The following CD2AP variants were observed in gnomAD, a reference collection of about 807,000 sequenced individuals.
CD2AP encodes CD2-associated protein.
In CD2AP, 46 loss-of-function variants were observed where a neutral mutation model predicts 85.1. The ratio of observed to expected loss-of-function variants is 0.54; its 90% CI spans 0.43 to 0.69. The LOEUF is 0.69. Among genes scored for constraint, CD2AP ranks in the 30% least tolerant of loss-of-function variants. The pLI is 0.00. For missense variants in CD2AP, 769 were observed against 729.5 expected, an observed-to-expected ratio of 1.05 and a Z score of -0.62; for synonymous variants, 255 against 252.9, an observed-to-expected ratio of 1.01 and a Z score of -0.08.
intron 2 of CD2AP, among the ~76,000 whole-genome samples, chr6:47,525,574 A>T (rs1365348804): frequency 6.6e-6 from 1 of 152,184 alleles, no homozygotes; most frequent in Non-Finnish European, 1.5e-5. Context: ...CCAGATTATT[A>T]TATGGACATA....
chr6:47,478,343 C>A, intron 1 of CD2AP, 95 bp downstream of exon 1: 1 of 1,437,646 alleles, frequency 7.0e-7, no homozygotes, highest in Non-Finnish European at 9.6e-7. Context: ...CGACTGCGGT[C>A]AGCCCCTGAG....
At chr6:47,489,019 A>C (rs1765650887) in intron 1 of CD2AP, 1 of 152,182 alleles carries the variant, frequency 6.6e-6, no homozygotes, top group Non-Finnish European at 1.5e-5. Context: ...TGTTCTTACA[A>C]GTTCTTGTAG....
rs187914715 is a variant in CD2AP, at chr6:47,564,347, A to T, written c.541+9581A>T. On this transcript the variant is annotated intron_variant, in intron 5 of 17. Transcript: ENST00000359314. ...TGAAATGATCTTTGTGATGCCATAT[A>T]AAACTGAGCCTTTAAAATATTTACA... Among the ~76,000 whole-genome samples the T allele has an allele frequency of 2.4e-3, 360 of 152,282 alleles. 3 individuals carry two copies. Among genetic ancestry groups the T allele is most frequent in the Middle Eastern group, 0.01 (3 of 294 alleles).
chr6:47,580,995 C>A, intron 10 of CD2AP, 95 bp downstream of exon 10: 1 of 862,038 alleles, frequency 1.2e-6, no homozygotes, highest in Non-Finnish European at 2.0e-6. Context: ...TGATTTTTAT[C>A]AAGTATGATG....
At chr6:47,514,958 A>C (rs1766415164) in intron 2 of CD2AP, among the ~76,000 whole-genome samples, 1 of 152,046 alleles carries the variant, frequency 6.6e-6, no homozygotes, top group Non-Finnish European at 1.5e-5. Flanking sequence ...AGGCTGAGGC[A>C]GGAGAATTGC....
At chr6:47,533,201 TAG>T (rs1766934796) in intron 2 of CD2AP, among the ~76,000 whole-genome samples, 2 of 152,350 alleles carry the variant, frequency 1.3e-5, no homozygotes, top group South Asian at 4.1e-4. Flanking sequence ...ATACCACACA[TAG>T]GAGTGTTGAT....
intron 3 of CD2AP, among the ~76,000 whole-genome samples, chr6:47,534,565 C>T (rs539406075): frequency 3.2e-4 from 48 of 152,076 alleles, no homozygotes; most frequent in African/African-American, 9.4e-4. Flanking sequence ...ATTAGCCGGG[C>T]GTGGAGGAAC....
rs191133253 is a variant in CD2AP at position 47,600,422 on chromosome 6, C to T, written c.1417+979C>T. 1.8e-3 allele frequency among the ~76,000 whole-genome samples: 281 copies of T among 151,988 alleles called. 2 individuals carry two copies. Among genetic ancestry groups the T allele is most frequent in the Admixed American group, 4.7e-3 (72 of 15,238 alleles). Reference sequence around the variant, plus strand: ...TACCTTATTATAAAATATGCTATTACATTTCAGGGTTTTTCAGGTGACCTT... The same window carrying T: ...TACCTTATTATAAAATATGCTATTATATTTCAGGGTTTTTCAGGTGACCTT... On this transcript the variant is annotated intron_variant, in intron 13 of 17. Coordinates refer to ENST00000359314, the MANE Select transcript of CD2AP (RefSeq NM_012120.3).
At chr6:47,597,642 CA>C (rs1050565297) in intron 12 of CD2AP, among the ~76,000 whole-genome samples, 20 of 150,856 alleles carry the variant, frequency 1.3e-4, no homozygotes, top group African/African-American at 4.8e-4. Flanking sequence ...ATACTGAAGA[CA>C]AAGGAACCCA....
At chr6:47,608,140 T>C (rs1472382737) in intron 15 of CD2AP, 112 bp downstream of exon 15, 2 of 768,526 alleles carry the variant, frequency 2.6e-6, no homozygotes, top group African/African-American at 3.5e-5. Context: ...TGCCAAGAAA[T>C]GAAATAATTG....
chr6:47,608,162 T>C (rs1769326515), intron 15 of CD2AP, 134 bp downstream of exon 15: 4 of 700,904 alleles, frequency 5.7e-6, no homozygotes, highest in Non-Finnish European at 1.0e-5. Flanking sequence ...TGCTAAAAAA[T>C]TGAGTTGTTT....
chr6:47,503,097 A>G (rs375677577), intron 1 of CD2AP, among the ~76,000 whole-genome samples, 183 bp from the exon 2 acceptor site: 41 of 152,320 alleles, frequency 2.7e-4, no homozygotes, highest in African/African-American at 9.9e-4. Context: ...ACTCTATATT[A>G]AGATATTCAA....
chr6:47,481,957 C>G (rs1765456955), intron 1 of CD2AP, among the ~76,000 whole-genome samples: 1 of 151,972 alleles, frequency 6.6e-6, no homozygotes, highest in Non-Finnish European at 1.5e-5. Context: ...TACAGGCTCT[C>G]CCTGTCTTGC....
At chr6:47,478,682 G>T (rs1194837904) in intron 1 of CD2AP, among the ~76,000 whole-genome samples, 2 of 152,186 alleles carry the variant, frequency 1.3e-5, no homozygotes, top group Non-Finnish European at 1.5e-5. Flanking sequence ...TTTCTGCGAG[G>T]CTTTGAATAC....
intron 2 of CD2AP, among the ~76,000 whole-genome samples, chr6:47,513,914 G>T (rs1766385674): frequency 6.6e-6 from 1 of 150,646 alleles, no homozygotes; most frequent in Non-Finnish European, 1.5e-5. Context: ...TAGCCTTACA[G>T]ATGTACAGTA....
rs546771382 is a variant in CD2AP, at chr6:47,626,451, T to G, written c.*2224T>G. 6.6e-6 allele frequency: 1 copy of G among 152,334 alleles called. No individual in the cohort carries two copies. The highest frequency in any genetic ancestry group is 6.6e-5 in the Admixed American group (1 of 15,264). The allele number at this position is 152,334 out of a possible 1,614,324, so 9.4% of individuals were successfully genotyped here. ...TAACCTTGGGGTAAATCATGAATTT[T>G]TTTTCTACGTGTGAGTATAAAAGAC... On this transcript the variant is annotated 3_prime_UTR_variant, in exon 18 of 18. Coordinates refer to ENST00000359314, the MANE Select transcript of CD2AP (RefSeq NM_012120.3).
intron 14 of CD2AP, 75 bp from the exon 15 acceptor site, chr6:47,607,852 T>TTTA: frequency 1.0e-6 from 1 of 961,050 alleles, no homozygotes; most frequent in Non-Finnish European, 1.6e-6. Context: ...AGTTATTTGC[T>TTTA]TTATTATCCA....
chr6:47,507,930 A>C (rs1466241831), intron 2 of CD2AP, among the ~76,000 whole-genome samples: 2 of 152,240 alleles, frequency 1.3e-5, no homozygotes, highest in Non-Finnish European at 2.9e-5. Flanking sequence ...ATCTTTCTGC[A>C]GTAGGTCTCA....
chr6:47,545,744 C>T (rs1265127706), intron 4 of CD2AP, among the ~76,000 whole-genome samples: 1 of 152,168 alleles, frequency 6.6e-6, no homozygotes, highest in Non-Finnish European at 1.5e-5. Context: ...TAGACTTGCT[C>T]TGTGGCAGAA....
Sources: gnomAD v4.1 joint callset for allele counts (sites outside exome capture counted in the v4.1 genomes callset) on GRCh38, gnomAD v4.1.1 for gene constraint, MANE v1.5 for transcripts, NCBI Gene and HGNC (gene_info 2026-07-23, HGNC 2026-07-21) for gene names.